NUDT4: variants seen among roughly 807,000 people sequenced by gnomAD.
NUDT4 encodes the protein diphosphoinositol polyphosphate phosphohydrolase 2.
Under a neutral mutation model 23.1 loss-of-function variants are expected in NUDT4, and 5 were observed. That is an observed-to-expected ratio of 0.22 (90% CI 0.11 to 0.46). NUDT4 has a LOEUF of 0.46. NUDT4 is among the 20% of genes least tolerant of loss of function. NUDT4 has a pLI of 0.99. For missense variants in NUDT4, 96 were observed against 211.6 expected (o/e 0.45, Z 3.39); for synonymous variants, 50 against 79.0 (o/e 0.63, Z 1.95).
At chr12:93,398,705 C>T (rs1175334825) in intron 3 of NUDT4, 66 bp from the exon 4 acceptor site, 5 of 1,113,860 alleles carry the variant, frequency 4.5e-6, no homozygotes, top group Non-Finnish European at 1.3e-6. Flanking sequence ...AATTTTTTTC[C>T]CTTGGAAAAT....
At chr12:93,398,250 G>T (rs547335753) in intron 3 of NUDT4, among the ~76,000 whole-genome samples, 1 of 144,034 alleles carries the variant, frequency 6.9e-6, no homozygotes, top group Admixed American at 7.3e-5. Flanking sequence ...TGAGGCAGGA[G>T]AATCACTTGA....
At position 93,401,984 on chromosome 12, in the gene NUDT4, C is replaced by T. The variant is rs1592733802; in HGVS notation, c.*2605C>T. The stretch of plus-strand genomic sequence containing the variant: ...AATTGGGCAGCTAAATTTTTCAGTT[C>T]CATGTGCCTCCCAAATAAAAAACAG... On this transcript the variant is annotated 3_prime_UTR_variant, in exon 5 of 5. Transcript: ENST00000415493. 9.1e-6 allele frequency: 1 copy of T among 110,242 alleles called. No individual in the cohort carries two copies. Among genetic ancestry groups the T allele is most frequent in the Admixed American group, 1.0e-4 (1 of 9,682 alleles). The allele number at this position is 110,242 out of a possible 1,614,324, so 6.8% of individuals were successfully genotyped here. A position where few individuals can be genotyped will look rare whatever the true frequency, so the allele number is the denominator to read the frequency against.
chr12:93,383,944 C>T (rs573340170), intron 1 of NUDT4, among the ~76,000 whole-genome samples: 3 of 152,174 alleles, frequency 2.0e-5, no homozygotes, highest in Admixed American at 1.3e-4. Context: ...CTCCCCTTCC[C>T]GGGAACAGAA....
chr12:93,388,028 C>G lies in NUDT4; in HGVS notation c.100-6581C>G, dbSNP rs150952403. ...AAATGAACTATTCAAGATGAGTAGG[C>G]AAGTACTTAATGAAACAGACAGACT... is the stretch of plus-strand genomic sequence containing the variant. On this transcript the variant is annotated intron_variant, in intron 1 of 4. Transcript: ENST00000415493. 1.5e-4 allele frequency among the ~76,000 whole-genome samples: 23 copies of G among 152,262 alleles called. No homozygotes were observed. In the East Asian group the frequency reaches 4.4e-3, roughly 29 times the overall value.
At chr12:93,397,972 AG>A (rs1320241311) in intron 3 of NUDT4, among the ~76,000 whole-genome samples, 1 of 152,200 alleles carries the variant, frequency 6.6e-6, no homozygotes, top group Non-Finnish European at 1.5e-5. Flanking sequence ...AAGAGGGGAT[AG>A]GATAAAAACT....
At chr12:93,385,960 T>TA (rs1876050343) in intron 1 of NUDT4, among the ~76,000 whole-genome samples, 1 of 138,640 alleles carries the variant, frequency 7.2e-6, no homozygotes, top group Admixed American at 7.6e-5. Context: ...TATATATATA[T>TA]ATATATATAT....
rs1297064445 is a variant in NUDT4 at position 93,402,172 on chromosome 12, T to G, written c.*2793T>G. Reference sequence around the variant, plus strand: ...AGCAGAACTGAAGGGGAAAAATGATTGTTGTATACACTGAATTGCTTTGCA... The same window carrying G: ...AGCAGAACTGAAGGGGAAAAATGATGGTTGTATACACTGAATTGCTTTGCA... On this transcript the variant is annotated 3_prime_UTR_variant, in exon 5 of 5. Transcript: ENST00000415493. 1 of 152,042 alleles carries G rather than the reference T, an allele frequency of 6.6e-6. No homozygotes were observed. Among genetic ancestry groups the G allele is most frequent in the African/African-American group, 2.4e-5 (1 of 41,424 alleles). 9.4% of individuals were successfully genotyped at this position (152,042 alleles called of 1,614,324 possible).
intron 1 of NUDT4, among the ~76,000 whole-genome samples, chr12:93,384,295 G>A (rs1875905522): frequency 6.6e-6 from 1 of 152,042 alleles, no homozygotes; most frequent in Middle Eastern, 3.2e-3. Flanking sequence ...AGCCTCCCGA[G>A]TAGCTGAGAC....
Position 93,378,143 on chromosome 12 carries a change from C to A in NUDT4, c.-180C>A. 3.7e-6 allele frequency: 1 copy of A among 270,894 alleles called. No individual in the cohort carries two copies. The highest frequency in any genetic ancestry group is 6.9e-6 in the Non-Finnish European group (1 of 144,572). The allele number at this position is 270,894 out of a possible 1,614,324, so 16.8% of individuals were successfully genotyped here. A position where few individuals can be genotyped will look rare whatever the true frequency, so the allele number is the denominator to read the frequency against. On this transcript the variant is annotated 5_prime_UTR_variant, in exon 1 of 5. Coordinates refer to ENST00000415493, the MANE Select transcript of NUDT4 (RefSeq NM_019094.6). ...CCGCGCTAGCGTCCCGTCCCGCCCG[C>A]GTCGGAGCGGCCGCCGGCCCCGGGA...
Position 93,402,327 on chromosome 12 carries a change from CAA to C in NUDT4, c.*2950_*2951del, listed in dbSNP as rs1171850104. On this transcript the variant is annotated 3_prime_UTR_variant, in exon 5 of 5. Coordinates refer to ENST00000415493, the MANE Select transcript of NUDT4 (RefSeq NM_019094.6). The stretch of plus-strand genomic sequence containing the variant: ...ACACACACACATGAACTCAGATTTG[CAA>C]ACCAGGTTTCTGAAACTTTGGGTAA... The C allele has an allele frequency of 1.3e-5, 2 of 151,900 alleles. No homozygotes were observed. Among genetic ancestry groups the C allele is most frequent in the Non-Finnish European group, 2.9e-5 (2 of 67,958 alleles). 9.4% of individuals were successfully genotyped at this position (151,900 alleles called of 1,614,324 possible).
At chr12:93,378,737 G>T (rs1487438736) in intron 1 of NUDT4, 23 of 1,066,862 alleles carry the variant, frequency 2.2e-5, no homozygotes, top group Non-Finnish European at 2.6e-5. Context: ...CGTGCGAATT[G>T]AGTTGAAAGC....
intron 3 of NUDT4, among the ~76,000 whole-genome samples, chr12:93,396,212 C>A (rs1275056891): frequency 7.2e-6 from 1 of 138,506 alleles, no homozygotes; most frequent in Non-Finnish European, 1.6e-5. Flanking sequence ...CCCCATTGCC[C>A]TTAGCAAATA....
chr12:93,380,260 T>A (rs528023182), intron 1 of NUDT4, among the ~76,000 whole-genome samples: 1 of 152,184 alleles, frequency 6.6e-6, no homozygotes, highest in East Asian at 1.9e-4. Context: ...TACTAGACTC[T>A]AGGGGAAAAT....
intron 1 of NUDT4, among the ~76,000 whole-genome samples, chr12:93,392,844 A>G (rs1876652775): frequency 1.6e-5 from 2 of 126,270 alleles, no homozygotes; most frequent in Admixed American, 8.5e-5. Context: ...ACACCTGGCT[A>G]ATTTTTGTAT....
At chr12:93,389,758 G>T (rs2120910456) in intron 1 of NUDT4, among the ~76,000 whole-genome samples, 1 of 152,000 alleles carries the variant, frequency 6.6e-6, no homozygotes, top group Middle Eastern at 3.4e-3. Context: ...AAAATGAGCT[G>T]GGCATGGTGG....
At position 93,388,031 on chromosome 12, in the gene NUDT4, G is replaced by A. The variant is rs1361554684; in HGVS notation, c.100-6578G>A. On this transcript the variant is annotated intron_variant, in intron 1 of 4. Transcript: ENST00000415493. ...TGAACTATTCAAGATGAGTAGGCAA[G>A]TACTTAATGAAACAGACAGACTTTC... is the stretch of plus-strand genomic sequence containing the variant. Among the ~76,000 whole-genome samples the A allele has an allele frequency of 3.9e-5, 6 of 152,150 alleles. No individual in the cohort carries two copies. In the East Asian group the frequency reaches 1.2e-3, roughly 29 times the overall value.
intron 3 of NUDT4, among the ~76,000 whole-genome samples, chr12:93,397,419 T>G (rs150222183): frequency 3.2e-3 from 485 of 152,312 alleles, no homozygotes; most frequent in African/African-American, 9.2e-3. Flanking sequence ...AGGACAATTA[T>G]CTAAAGTCGT....
At chr12:93,392,684 T>TTC (rs1555193956) in intron 1 of NUDT4, among the ~76,000 whole-genome samples, 3,601 of 101,498 alleles carry the variant, frequency 0.035, 157 homozygotes, top group Middle Eastern at 0.066. Context: ...TTTTTTTTTT[T>TTC]CCCCCGAGAT....
rs1320362290 is a variant in NUDT4 at position 93,400,619 on chromosome 12, T to C, written c.*1240T>C. 10 of 150,004 alleles carry C rather than the reference T, an allele frequency of 6.7e-5. No individual in the cohort carries two copies. Among genetic ancestry groups the C allele is most frequent in the Admixed American group, 2.0e-4 (3 of 14,806 alleles). 9.3% of individuals were successfully genotyped at this position (150,004 alleles called of 1,614,324 possible). ...ATGAGGGATGGGGGAAAGTAAAAGA[T>C]GTTTTTTTTTTTTTGAGACTCGCTT... On this transcript the variant is annotated 3_prime_UTR_variant, in exon 5 of 5. Transcript: ENST00000415493.
Sources: allele counts gnomAD v4.1 joint callset (sites outside exome capture counted in the v4.1 genomes callset), GRCh38; gene constraint gnomAD v4.1.1; transcripts MANE v1.5; gene names NCBI Gene and HGNC (gene_info 2026-07-23, HGNC 2026-07-21).